TYW1: variants seen among roughly 807,000 people sequenced by gnomAD.
TYW1 encodes S-adenosyl-L-methionine-dependent tRNA 4-demethylwyosine synthase TYW1.
A neutral mutation model predicts 96.2 loss-of-function variants in TYW1; 46 were observed. The ratio of observed to expected loss-of-function variants is 0.48; its 90% CI spans 0.38 to 0.61. The LOEUF (loss-of-function observed/expected upper bound fraction) is 0.61. Among genes scored for constraint, TYW1 ranks in the 20% least tolerant of loss-of-function variants. TYW1 has a pLI of 0.00. For missense variants in TYW1, 684 were observed against 909.6 expected (o/e 0.75, Z 3.19); for synonymous variants, 274 against 323.0 (o/e 0.85, Z 1.63).
In TYW1 at chr7:67,166,755, C is replaced by G. The variant is rs563648982; in HGVS notation, c.1699-16371C>G. Among the ~76,000 whole-genome samples the G allele has an allele frequency of 3.3e-5, 5 of 152,130 alleles. No individual in the cohort carries two copies. The South Asian group carries it at 1.0e-3, about 32-fold the overall frequency. On this transcript the variant is annotated intron_variant, in intron 13 of 15. Coordinates refer to ENST00000359626, the MANE Select transcript of TYW1 (RefSeq NM_018264.4). ...ATATATGAGTATGCCACGATTTATT[C>G]CTTCCACTATTGAGGGATATTCACA...
chr7:67,032,758 C>G (rs1416360384), intron 7 of TYW1, among the ~76,000 whole-genome samples: 1 of 152,110 alleles, frequency 6.6e-6, no homozygotes, highest in Admixed American at 6.6e-5. Context: ...TTGGAGATAT[C>G]TTCCATGACC....
intron 8 of TYW1, among the ~76,000 whole-genome samples, chr7:67,054,593 T>A (rs1262457212): frequency 2.0e-5 from 3 of 152,246 alleles, no homozygotes; most frequent in African/African-American, 7.2e-5. Flanking sequence ...TGGAAACTTG[T>A]AATCAAAATT....
intron 8 of TYW1, among the ~76,000 whole-genome samples, chr7:67,051,147 G>C (rs549039660): frequency 2.9e-4 from 44 of 152,160 alleles, no homozygotes; most frequent in Middle Eastern, 3.4e-3. Flanking sequence ...TGGGATTACA[G>C]GTGTGAGCCA....
chr7:67,143,190 T>C (rs1272435500), intron 13 of TYW1, among the ~76,000 whole-genome samples: 3 of 152,204 alleles, frequency 2.0e-5, no homozygotes, highest in Non-Finnish European at 4.4e-5. Context: ...GTGCGTAGTA[T>C]ATTTCAAGTT....
At chr7:67,119,282 C>T (rs953730961) in intron 13 of TYW1, among the ~76,000 whole-genome samples, 8 of 151,984 alleles carry the variant, frequency 5.3e-5, no homozygotes, top group East Asian at 1.9e-4. Context: ...ACATCCCAGG[C>T]GTCATTTGGT....
intron 13 of TYW1, among the ~76,000 whole-genome samples, chr7:67,151,042 A>ATTC (rs569803211): frequency 0.19 from 27,813 of 144,306 alleles, 983 homozygotes; most frequent in South Asian, 0.24. Flanking sequence ...CTGCCATTAT[A>ATTC]TTCTTCTTCT....
intron 15 of TYW1, among the ~76,000 whole-genome samples, chr7:67,213,736 C>T (rs7792907): frequency 0.27 from 40,779 of 152,078 alleles, 5,832 homozygotes; most frequent in African/African-American, 0.36. Flanking sequence ...TGCATGTGGA[C>T]ATCCAATTGT....
chr7:67,119,587 C>A (rs1419716822), intron 13 of TYW1, among the ~76,000 whole-genome samples: 1 of 152,138 alleles, frequency 6.6e-6, no homozygotes, highest in Non-Finnish European at 1.5e-5. Context: ...CTCCTAGACC[C>A]AGTTTTGTGA....
At chr7:67,206,275 G>C (rs796853403) in intron 15 of TYW1, among the ~76,000 whole-genome samples, 4 of 152,224 alleles carry the variant, frequency 2.6e-5, no homozygotes, top group African/African-American at 7.2e-5. Flanking sequence ...ATCCTAATCA[G>C]ATCTCATCAG....
chr7:67,022,910 A>G (rs1252683352), intron 6 of TYW1, among the ~76,000 whole-genome samples: 1 of 152,150 alleles, frequency 6.6e-6, no homozygotes, highest in East Asian at 1.9e-4. Flanking sequence ...AGGAGAGCGT[A>G]AGATCGTCCG....
intron 4 of TYW1, among the ~76,000 whole-genome samples, chr7:67,012,554 T>C (rs1407144351): frequency 6.6e-6 from 1 of 152,144 alleles, no homozygotes; most frequent in East Asian, 1.9e-4. Flanking sequence ...TACTTATAAC[T>C]TACCTCATGA....
rs1241994256 is a variant in TYW1 at position 67,238,483 on chromosome 7, C to G, written c.2153C>G (p.Thr718Arg). ...GAAAGAGGCTTTGATCCCAAGGACACAAGACATCAGAGAAAGAACAAATCA... is the reference window on the plus strand; with the variant it reads ...GAAAGAGGCTTTGATCCCAAGGACAGAAGACATCAGAGAAAGAACAAATCA... ...ASERGFDPKD[T>R]RHQRKNKSKA... The change falls in exon 16 of 16, where the codon ACA (threonine) becomes AGA (arginine). Residue 718 changes from threonine (T) to arginine (R), a missense_variant. Transcript: ENST00000359626. The G allele has an allele frequency of 1.2e-6, 2 of 1,613,902 alleles. No homozygotes were observed. The highest frequency in any genetic ancestry group is 2.7e-5 in the African/African-American group (2 of 75,020).
chr7:67,195,217 C>G lies in TYW1; in HGVS notation c.1857C>G (p.Ala619=). ...GESSASSLTM[A]HVPWHEEVVQ... ...GTTCAGCAAGCAGTCTTACCATGGC[C>G]CACGTGCCCTGGCATGAGGAAGTGG... The change falls in exon 15 of 16, where the codon GCC becomes GCG. Residue 619 remains alanine, a synonymous_variant. Coordinates refer to ENST00000359626, the MANE Select transcript of TYW1 (RefSeq NM_018264.4). The G allele has an allele frequency of 6.2e-7, 1 of 1,613,790 alleles. No individual in the cohort carries two copies. The highest frequency in any genetic ancestry group is 8.5e-7 in the Non-Finnish European group (1 of 1,180,002).
intron 13 of TYW1, among the ~76,000 whole-genome samples, chr7:67,136,546 A>C (rs1189224253): frequency 2.0e-5 from 3 of 152,050 alleles, no homozygotes; most frequent in African/African-American, 4.8e-5. Flanking sequence ...GTGACATTTA[A>C]ACTGTTAGCT....
At position 67,036,908 on chromosome 7, in the gene TYW1, G is replaced by A. The variant is rs144412385; in HGVS notation, c.984+11886G>A. 8.8e-3 allele frequency among the ~76,000 whole-genome samples: 1,339 copies of A among 152,326 alleles called. 5 individuals are homozygous for A. Among genetic ancestry groups the A allele is most frequent in the Non-Finnish European group, 0.014 (956 of 68,026 alleles). The stretch of plus-strand genomic sequence containing the variant: ...CAAAGAGACTACAGAGGGATCAAGT[G>A]CAGCTGCTGGGCAGGGACTGGAGGG... On this transcript the variant is annotated intron_variant, in intron 7 of 15. Coordinates refer to ENST00000359626, the MANE Select transcript of TYW1 (RefSeq NM_018264.4).
At chr7:67,138,192 A>G (rs1487595977) in intron 13 of TYW1, among the ~76,000 whole-genome samples, 1 of 152,190 alleles carries the variant, frequency 6.6e-6, no homozygotes, top group South Asian at 2.1e-4. Flanking sequence ...CCCACAGGGA[A>G]TAGTGCGTAT....
chr7:67,095,315 A>G (rs1248709075), intron 11 of TYW1, among the ~76,000 whole-genome samples: 1 of 151,872 alleles, frequency 6.6e-6, no homozygotes, highest in Non-Finnish European at 1.5e-5. Flanking sequence ...CATGCTTTTT[A>G]CAAGCAACTG....
At chr7:67,225,951 G>A (rs992170388) in intron 15 of TYW1, among the ~76,000 whole-genome samples, 12 of 150,918 alleles carry the variant, frequency 8.0e-5, no homozygotes, top group Admixed American at 7.9e-4. Flanking sequence ...GCAATCACAA[G>A]TCTGCCCTTG....
chr7:67,021,938 CAG>C (rs1016702197), intron 6 of TYW1, among the ~76,000 whole-genome samples: 13 of 152,220 alleles, frequency 8.5e-5, no homozygotes, highest in South Asian at 2.1e-4. Flanking sequence ...TCTTTTGAGA[CAG>C]GGGCTGGTCT....
Sources: allele counts gnomAD v4.1 joint callset (sites outside exome capture counted in the v4.1 genomes callset), GRCh38; gene constraint gnomAD v4.1.1; transcripts MANE v1.5; gene names NCBI Gene and HGNC (gene_info 2026-07-23, HGNC 2026-07-21).